The following FNDC3B variants were observed in gnomAD, a reference collection of about 807,000 sequenced individuals.
FNDC3B encodes the protein fibronectin type III domain containing 3B.
Under a neutral mutation model 151.5 loss-of-function variants are expected in FNDC3B, and 12 were observed. The observed-to-expected ratio is 0.08, with a 90% confidence interval of 0.05 to 0.13. The LOEUF is 0.13. FNDC3B is among the 10% of genes least tolerant of loss of function. FNDC3B has a pLI of 1.00. For synonymous variants in FNDC3B, 528 were observed against 549.0 expected (o/e 0.96, Z 0.54); for missense variants, 1,214 against 1,505.3 (o/e 0.81, Z 3.20).
chr3:172,230,957 A>G (rs918971494), intron 4 of FNDC3B, among the ~76,000 whole-genome samples: 1 of 150,380 alleles, frequency 6.6e-6, no homozygotes, highest in Non-Finnish European at 1.5e-5. Flanking sequence ...ACCCCTAGGT[A>G]TATACCTGAG....
intron 23 of FNDC3B, among the ~76,000 whole-genome samples, chr3:172,375,434 CCACCTTATACTTGTTT>C (rs1735082457): frequency 6.6e-6 from 1 of 152,192 alleles, no homozygotes; most frequent in African/African-American, 2.4e-5. Flanking sequence ...TCTCCCCTTC[CCACCTTATACTTGTTT>C]CACCCAGGAA....
chr3:172,234,300 C>A (rs1316741196), intron 4 of FNDC3B, among the ~76,000 whole-genome samples: 3 of 152,184 alleles, frequency 2.0e-5, no homozygotes, highest in Non-Finnish European at 4.4e-5. Context: ...GCATTTAAGT[C>A]CACAAAGGCA....
chr3:172,275,582 T>A (rs975190195), intron 6 of FNDC3B, among the ~76,000 whole-genome samples: 1 of 152,196 alleles, frequency 6.6e-6, no homozygotes, highest in Non-Finnish European at 1.5e-5. Flanking sequence ...TGTTCTATCA[T>A]AATATGTTTT....
intron 1 of FNDC3B, among the ~76,000 whole-genome samples, chr3:172,090,425 T>TAAAC (rs60240731): frequency 0.017 from 2,538 of 150,330 alleles, 51 homozygotes; most frequent in African/African-American, 0.052. Context: ...TGACCAAAAA[T>TAAAC]AAACAAACAA....
chr3:172,194,962 A>T (rs1724747945), intron 3 of FNDC3B, among the ~76,000 whole-genome samples: 1 of 152,226 alleles, frequency 6.6e-6, no homozygotes, highest in Non-Finnish European at 1.5e-5. Flanking sequence ...GTTGTTAATC[A>T]GAGCTGTGGA....
In FNDC3B at chr3:172,397,650, A is replaced by G. The variant is rs77031651; in HGVS notation, c.*175A>G. 5.5e-3 allele frequency: 2,200 copies of G among 397,468 alleles called. 13 individuals are homozygous for G. The highest frequency in any genetic ancestry group is 8.3e-3 in the Non-Finnish European group (1,904 of 229,206). The allele number at this position is 397,468 out of a possible 1,614,324, so 24.6% of individuals were successfully genotyped here. A position where few individuals can be genotyped will look rare whatever the true frequency, so the allele number is the denominator to read the frequency against. ...CACCTTTTTGAAATGCAAAACTAGG[A>G]AAAGGTTAAACTGGATTTTTTTTTT... is the stretch of plus-strand genomic sequence containing the variant. On this transcript the variant is annotated 3_prime_UTR_variant, in exon 26 of 26. Coordinates refer to ENST00000415807, the MANE Select transcript of FNDC3B (RefSeq NM_022763.4).
intron 1 of FNDC3B, among the ~76,000 whole-genome samples, chr3:172,059,789 G>A (rs1279149567): frequency 6.6e-6 from 1 of 152,136 alleles, no homozygotes; most frequent in East Asian, 1.9e-4. Context: ...TTTTTTCCAG[G>A]ATGCTGACCG....
chr3:172,335,154 T>G, intron 15 of FNDC3B, 72 bp downstream of exon 15: 2 of 1,463,110 alleles, frequency 1.4e-6, no homozygotes, highest in Non-Finnish European at 1.8e-6. Flanking sequence ...AATGATTCAT[T>G]TTAGTAGTGA....
chr3:172,337,573 C>G (rs1220344255), intron 16 of FNDC3B, 172 bp downstream of exon 16: 1 of 532,562 alleles, frequency 1.9e-6, no homozygotes, highest in African/African-American at 1.9e-5. Context: ...AAACACAGCA[C>G]CAGAGATCAG....
chr3:172,218,582 G>T (rs1304627207), intron 3 of FNDC3B, among the ~76,000 whole-genome samples: 1 of 152,180 alleles, frequency 6.6e-6, no homozygotes, highest in African/African-American at 2.4e-5. Context: ...TGTGAAAGTT[G>T]TTAAGATATT....
At chr3:172,078,181 T>C (rs1455984615) in intron 1 of FNDC3B, among the ~76,000 whole-genome samples, 1 of 151,782 alleles carries the variant, frequency 6.6e-6, no homozygotes, top group African/African-American at 2.4e-5. Context: ...GGTTTTGCCA[T>C]GTTGGCCAGG....
intron 6 of FNDC3B, among the ~76,000 whole-genome samples, chr3:172,270,972 A>G (rs757010104): frequency 6.6e-6 from 1 of 152,218 alleles, no homozygotes; most frequent in Admixed American, 6.5e-5. Flanking sequence ...CTGAAATGCC[A>G]GGTAAGAATT....
intron 21 of FNDC3B, among the ~76,000 whole-genome samples, chr3:172,351,071 A>T (rs576936929): frequency 2.0e-4 from 30 of 152,366 alleles, no homozygotes; most frequent in Non-Finnish European, 3.4e-4. Context: ...AGTGAGCCAG[A>T]CAGGCAACTT....
At chr3:172,055,649 C>T (rs1387666629) in intron 1 of FNDC3B, among the ~76,000 whole-genome samples, 2 of 152,126 alleles carry the variant, frequency 1.3e-5, no homozygotes, top group Non-Finnish European at 2.9e-5. Context: ...TTGCCATTAA[C>T]GTTCTAGTTG....
intron 21 of FNDC3B, among the ~76,000 whole-genome samples, chr3:172,349,817 G>A (rs1733776331): frequency 6.6e-6 from 1 of 151,976 alleles, no homozygotes; most frequent in Non-Finnish European, 1.5e-5. Flanking sequence ...CACCACGCCT[G>A]ACTAATTTTT....
chr3:172,167,250 G>T (rs1328835985), intron 3 of FNDC3B, among the ~76,000 whole-genome samples: 1 of 152,194 alleles, frequency 6.6e-6, no homozygotes, highest in Non-Finnish European at 1.5e-5. Flanking sequence ...AAAAAAGTTA[G>T]CTGGGTATGT....
chr3:172,107,340 C>T (rs1345759752), intron 1 of FNDC3B, among the ~76,000 whole-genome samples: 2 of 152,002 alleles, frequency 1.3e-5, no homozygotes, highest in South Asian at 2.1e-4. Context: ...TAGAATTCGA[C>T]AAATAAATGC....
At chr3:172,179,787 G>A (rs1723788894) in intron 3 of FNDC3B, among the ~76,000 whole-genome samples, 2 of 148,404 alleles carry the variant, frequency 1.3e-5, no homozygotes, top group Non-Finnish European at 3.0e-5. Context: ...GGATGCTGAG[G>A]TAGGAGGATC....
chr3:172,269,022 TTTTG>T (rs970306878), intron 6 of FNDC3B, among the ~76,000 whole-genome samples: 2 of 152,246 alleles, frequency 1.3e-5, no homozygotes, highest in African/African-American at 2.4e-5. Context: ...TTTGGCTTTT[TTTTG>T]TTTGTTTGAG....
Sources: allele counts gnomAD v4.1 joint callset (sites outside exome capture counted in the v4.1 genomes callset), GRCh38; gene constraint gnomAD v4.1.1; transcripts MANE v1.5; gene names NCBI Gene and HGNC (gene_info 2026-07-23, HGNC 2026-07-21).